TBC1D31: variants seen among roughly 807,000 people sequenced by gnomAD.
The protein encoded by TBC1D31 is WD repeat domain 67.
In TBC1D31, 99 loss-of-function variants were observed where a neutral mutation model predicts 132.9. The ratio of observed to expected loss-of-function variants is 0.74; its 90% CI spans 0.63 to 0.88. The LOEUF (loss-of-function observed/expected upper bound fraction) is 0.88. Ranked by LOEUF, TBC1D31 falls within the 40% of genes least tolerant of loss-of-function variation. The pLI is 0.00. For synonymous variants in TBC1D31, 385 were observed against 419.4 expected (o/e 0.92, Z 1.00); for missense variants, 1,134 against 1,256.6 (o/e 0.90, Z 1.48).
rs10101626 is a variant in TBC1D31 at position 123,142,457 on chromosome 8, G to T, written c.2835+1G>T. ...AATGGTGGAGGAGGAAGCCAAGAAG[G>T]TAAAAAATAGTGTTATAAACTTTTT... On this transcript the variant is annotated splice_donor_variant, in intron 19 of 21. Transcript: ENST00000287380. LOFTEE classifies it high-confidence loss of function. 0.19 allele frequency: 290,540 copies of T among 1,534,894 alleles called. 28,132 individuals are homozygous for T. Among genetic ancestry groups the T allele is most frequent in the African/African-American group, 0.25 (17,350 of 70,100 alleles).
At chr8:123,124,476 C>T (rs1411169037) in intron 11 of TBC1D31, among the ~76,000 whole-genome samples, 3 of 152,244 alleles carry the variant, frequency 2.0e-5, no homozygotes, top group African/African-American at 7.2e-5. Context: ...TTACTGTATG[C>T]AGTAGGATAT....
At chr8:123,111,735 T>C (rs1328637367) in intron 10 of TBC1D31, among the ~76,000 whole-genome samples, 2 of 152,294 alleles carry the variant, frequency 1.3e-5, no homozygotes, top group Admixed American at 6.5e-5. Context: ...ACTATATAAC[T>C]ATAAATAATA....
intron 17 of TBC1D31, among the ~76,000 whole-genome samples, chr8:123,134,996 C>T (rs1820949149): frequency 6.6e-6 from 1 of 152,180 alleles, no homozygotes; most frequent in Admixed American, 6.5e-5. Flanking sequence ...ACCTCCCCTG[C>T]TCCAGTGATT....
At chr8:123,092,446 C>CTA (rs1816418011) in intron 4 of TBC1D31, among the ~76,000 whole-genome samples, 1 of 152,042 alleles carries the variant, frequency 6.6e-6, no homozygotes, top group Non-Finnish European at 1.5e-5. Context: ...TTTTTTTACT[C>CTA]TATATATAGT....
intron 20 of TBC1D31, among the ~76,000 whole-genome samples, 182 bp downstream of exon 20, chr8:123,145,037 T>C (rs1003020146): frequency 3.3e-5 from 5 of 151,840 alleles, no homozygotes; most frequent in African/African-American, 1.2e-4. Context: ...AGTTCTCCCA[T>C]CTCAGCCTCC....
At chr8:123,122,944 A>G (rs1819633474) in intron 11 of TBC1D31, among the ~76,000 whole-genome samples, 1 of 152,162 alleles carries the variant, frequency 6.6e-6, no homozygotes, top group South Asian at 2.1e-4. Context: ...TTTACTCAAT[A>G]AACATTTATT....
intron 18 of TBC1D31, among the ~76,000 whole-genome samples, chr8:123,141,844 CTTTTTTTTTTTT>C (rs1160750679): frequency 0.015 from 795 of 51,960 alleles, 1 homozygote; most frequent in African/African-American, 0.063. Flanking sequence ...TTGAAGAGCT[CTTTTTTTTTTTT>C]TTTTTTTTTT....
chr8:123,130,420 C>T, intron 16 of TBC1D31, 87 bp downstream of exon 16: 1 of 1,273,126 alleles, frequency 7.9e-7, no homozygotes, highest in Non-Finnish European at 1.1e-6. Flanking sequence ...AAATAATATT[C>T]TTAGAGTCCA....
rs761729827 is a variant in TBC1D31 at position 123,077,164 on chromosome 8, G to A, written c.131G>A (p.Arg44Gln). The A allele has an allele frequency of 5.8e-5, 94 of 1,612,468 alleles. No homozygotes were observed. The highest frequency in any genetic ancestry group is 8.4e-5 in the Admixed American group (5 of 59,696). The stretch of plus-strand genomic sequence containing the variant: ...TCCGATTACCATCCAAAAGTTTTGC[G>A]ATTTTTGAATGTGGCTTTTGATGGC... ...NTSDYHPKVL[R>Q]FLNVAFDGTG... Residue 44 changes from arginine to glutamine, a missense_variant, in exon 2 of 22, where the codon CGA becomes CAA. Transcript: ENST00000287380.
Position 123,109,897 on chromosome 8 carries a change from C to T in TBC1D31, c.1436+277C>T, listed in dbSNP as rs150162868. Among the ~76,000 whole-genome samples the T allele has an allele frequency of 3.4e-3, 517 of 152,254 alleles. 2 individuals carry two copies. The highest frequency in any genetic ancestry group is 0.011 in the African/African-American group (467 of 41,546). On this transcript the variant is annotated intron_variant, in intron 10 of 21. Transcript: ENST00000287380. ...TCAGCTGAGGTCAGGAATTGGCGACCAGCCTGGCCATCATGGTGAAACCTA... is the reference window on the plus strand; with the variant it reads ...TCAGCTGAGGTCAGGAATTGGCGACTAGCCTGGCCATCATGGTGAAACCTA...
chr8:123,130,405 A>G, intron 16 of TBC1D31, 72 bp downstream of exon 16: 1 of 1,373,240 alleles, frequency 7.3e-7, no homozygotes, highest in Non-Finnish European at 9.8e-7. Flanking sequence ...GAACACCTTC[A>G]AATTAAATAA....
intron 1 of TBC1D31, among the ~76,000 whole-genome samples, chr8:123,074,174 G>A (rs1056803916): frequency 2.0e-5 from 3 of 152,066 alleles, no homozygotes; most frequent in Non-Finnish European, 4.4e-5. Context: ...TGGGATTACA[G>A]GCGCACCACT....
chr8:123,130,213 A>G lies in TBC1D31; in HGVS notation c.2286A>G (p.Lys762=). The change falls in exon 16 of 22, where the codon AAA becomes AAG. Residue 762 remains lysine (K), a synonymous_variant. Transcript: ENST00000287380. ...TGTATTTAAGGCTAGCTGCTGTGAA[A>G]AGAGAGCTGAAAGTAAAGGAAATGC... ...IQQRQRLAAV[K]RELKVKEMHL... is the part of the protein sequence containing the mutation. 1 of 1,610,658 alleles carries G rather than the reference A, an allele frequency of 6.2e-7. No homozygotes were observed. The highest frequency in any genetic ancestry group is 8.5e-7 in the Non-Finnish European group (1 of 1,178,500).
At chr8:123,096,982 A>C (rs1023805168) in intron 5 of TBC1D31, among the ~76,000 whole-genome samples, 1 of 152,246 alleles carries the variant, frequency 6.6e-6, no homozygotes, top group Non-Finnish European at 1.5e-5. Context: ...ACCCACAATC[A>C]GGTCATTAAA....
intron 16 of TBC1D31, 128 bp from the exon 17 acceptor site, chr8:123,133,986 T>A (rs1368591253): frequency 1.7e-6 from 1 of 579,596 alleles, no homozygotes; most frequent in African/African-American, 1.9e-5. Flanking sequence ...GTTACTCTGG[T>A]TTCAAAAACC....
intron 21 of TBC1D31, among the ~76,000 whole-genome samples, chr8:123,151,058 A>G (rs890244029): frequency 2.0e-5 from 3 of 152,238 alleles, no homozygotes; most frequent in African/African-American, 7.2e-5. Context: ...GTGCCAGAAT[A>G]TGAATTAAAC....
rs1218496199 is a variant in TBC1D31, at chr8:123,142,452, A to G, written c.2831A>G (p.Lys944Arg). 2 of 1,557,966 alleles carry G rather than the reference A, an allele frequency of 1.3e-6. No homozygotes were observed. Among genetic ancestry groups the G allele is most frequent in the African/African-American group, 1.4e-5 (1 of 71,600 alleles). ...IINAMVEEEA[K>R]KWKEAEGKEF... ...AATGCAATGGTGGAGGAGGAAGCCA[A>G]GAAGGTAAAAAATAGTGTTATAAAC... The change falls in exon 19 of 22, where the codon AAG (lysine) becomes AGG (arginine). Residue 944 changes from lysine (K) to arginine (R), a missense_variant. Lys to Arg is a conservative substitution (Grantham distance 26, BLOSUM62 2). Transcript: ENST00000287380.
chr8:123,140,709 T>C, intron 17 of TBC1D31, 52 bp from the exon 18 acceptor site: 1 of 1,447,122 alleles, frequency 6.9e-7, no homozygotes, highest in Non-Finnish European at 9.5e-7. Context: ...GTCATTTTTG[T>C]ATTCTAGCGT....
intron 4 of TBC1D31, among the ~76,000 whole-genome samples, chr8:123,087,906 G>A (rs551127172): frequency 6.6e-6 from 1 of 152,236 alleles, no homozygotes; most frequent in African/African-American, 2.4e-5. Flanking sequence ...AACAGGACCG[G>A]GTACGGGGGC....
Sources: gnomAD v4.1 joint callset for allele counts (sites outside exome capture counted in the v4.1 genomes callset) on GRCh38, gnomAD v4.1.1 for gene constraint, MANE v1.5 for transcripts, NCBI Gene and HGNC (gene_info 2026-07-23, HGNC 2026-07-21) for gene names.